Variants in CELF2 observed in about 807,000 individuals in gnomAD.
The protein encoded by CELF2 is CUGBP Elav-like family member 2.
In CELF2, 8 loss-of-function variants were observed where a neutral mutation model predicts 62.6. That is an observed-to-expected ratio of 0.13 (90% CI 0.07 to 0.23). The LOEUF is 0.23. CELF2 is among the 10% of genes least tolerant of loss of function. CELF2 has a pLI of 1.00. For missense variants in CELF2, 333 were observed against 671.0 expected (o/e 0.50, Z 5.56); for synonymous variants, 258 against 250.0 (o/e 1.03, Z -0.30).
intron 2 of CELF2, among the ~76,000 whole-genome samples, chr10:11,208,193 G>T (rs979403171): frequency 5.9e-5 from 9 of 152,114 alleles, no homozygotes; most frequent in African/African-American, 2.2e-4. Flanking sequence ...GGAGGGTGTG[G>T]GGAGTTAGGC....
At chr10:10,537,805 C>T in the CELF2 span, among the ~76,000 whole-genome samples, 1 of 152,162 alleles carries the variant, frequency 6.6e-6, no homozygotes, top group Admixed American at 6.5e-5. Flanking sequence ...TTTCTTACCC[C>T]TTAAGCCTAT....
chr10:10,604,965 T>G, the CELF2 span, among the ~76,000 whole-genome samples: 1 of 152,164 alleles, frequency 6.6e-6, no homozygotes, highest in Non-Finnish European at 1.5e-5. Flanking sequence ...TAAAGATAGA[T>G]GCACATTTAT....
chr10:10,938,291 T>C lies in CELF2; in HGVS notation c.89+18292T>C, dbSNP rs1423263750. 6.6e-6 allele frequency among the ~76,000 whole-genome samples: 1 copy of C among 152,208 alleles called. No individual in the cohort carries two copies. The highest frequency in any genetic ancestry group is 1.5e-5 in the Non-Finnish European group (1 of 68,040). On this transcript the variant is annotated intron_variant, in intron 2 of 13. Transcript: ENST00000636488. This position sits in a 1 kb window ranked among gnomAD's most constrained non-coding sequence, Gnocchi z 4.2. ...TTATTTTGCAGTATAGGAAATGTTA[T>C]TTAGATTTAACAAAGGGCTGAACAG...
At chr10:10,749,409 C>T in the CELF2 span, among the ~76,000 whole-genome samples, 3 of 152,292 alleles carry the variant, frequency 2.0e-5, no homozygotes, top group Admixed American at 2.0e-4. Context: ...TATGTGCTAT[C>T]CATCAAAATT....
the CELF2 span, among the ~76,000 whole-genome samples, chr10:10,488,523 C>T: frequency 2.0e-5 from 3 of 152,126 alleles, no homozygotes; most frequent in African/African-American, 7.2e-5. Context: ...TTATAAGCTA[C>T]AAAAACACTT....
chr10:10,933,381 A>G (rs1006822984), intron 2 of CELF2, among the ~76,000 whole-genome samples: 2 of 152,248 alleles, frequency 1.3e-5, no homozygotes, highest in South Asian at 2.1e-4. Flanking sequence ...ACATTGTGCA[A>G]AAATCAAATC....
intron 2 of CELF2, among the ~76,000 whole-genome samples, chr10:10,998,489 TA>T (rs2054193608): frequency 6.6e-6 from 1 of 152,214 alleles, no homozygotes; most frequent in South Asian, 2.1e-4. Flanking sequence ...TAATGCACTT[TA>T]AAAAGTGATG....
intron 1 of CELF2, among the ~76,000 whole-genome samples, chr10:10,829,493 C>T (rs1244439712): frequency 6.6e-6 from 1 of 152,052 alleles, no homozygotes; most frequent in East Asian, 1.9e-4. Flanking sequence ...GGGATGACTT[C>T]CTGTAAATTT....
chr10:10,664,319 G>T, the CELF2 span, among the ~76,000 whole-genome samples: 9 of 152,102 alleles, frequency 5.9e-5, no homozygotes, highest in African/African-American at 2.2e-4. Context: ...ACAAGTTCAG[G>T]GCTCAAGTTT....
chr10:10,965,956 T>A (rs1000346922), intron 2 of CELF2, among the ~76,000 whole-genome samples: 1 of 152,240 alleles, frequency 6.6e-6, no homozygotes, highest in Admixed American at 6.5e-5. Flanking sequence ...ATAGAATGAC[T>A]GTGACAAGCA....
chr10:11,333,251 CCACAGAGA>C lies in CELF2; in HGVS notation c.*4201_*4208del, dbSNP rs2096062583. Reference sequence around the variant, plus strand: ...TTGCCCTTCTCCAAAAAATAACCTTCCACAGAGACAAACTGTCCTTCTATCCACTTTTA... The same window carrying C: ...TTGCCCTTCTCCAAAAAATAACCTTCCAAACTGTCCTTCTATCCACTTTTA... On this transcript the variant is annotated 3_prime_UTR_variant, in exon 13 of 13. Transcript: ENST00000633077. 1 of 152,436 alleles carries C rather than the reference CCACAGAGA, an allele frequency of 6.6e-6. No homozygotes were observed. 9.4% of individuals were successfully genotyped at this position (152,436 alleles called of 1,614,324 possible).
At chr10:10,857,022 A>G (rs2059755940) in intron 1 of CELF2, among the ~76,000 whole-genome samples, 1 of 152,116 alleles carries the variant, frequency 6.6e-6, no homozygotes. Flanking sequence ...CTCCATAATC[A>G]TCCCAGCTTT....
intron 1 of CELF2, among the ~76,000 whole-genome samples, chr10:11,129,393 A>G (rs571613886): frequency 2.0e-5 from 3 of 152,336 alleles, no homozygotes; most frequent in East Asian, 3.9e-4. Flanking sequence ...CTGGCCTCAT[A>G]AAATGAGTTA....
At chr10:10,901,907 A>G (rs1294579283) in intron 1 of CELF2, among the ~76,000 whole-genome samples, 1 of 152,156 alleles carries the variant, frequency 6.6e-6, no homozygotes, top group African/African-American at 2.4e-5. Flanking sequence ...CATTTTTTGT[A>G]ATTGGGCAAA....
At chr10:10,663,365 T>A in the CELF2 span, among the ~76,000 whole-genome samples, 8 of 152,248 alleles carry the variant, frequency 5.3e-5, no homozygotes, top group African/African-American at 1.9e-4. Context: ...CCCCAAAGAA[T>A]AAAAGCACAA....
chr10:10,855,654 C>T (rs2059662416), intron 1 of CELF2, among the ~76,000 whole-genome samples: 2 of 152,198 alleles, frequency 1.3e-5, no homozygotes, highest in Admixed American at 1.3e-4. Flanking sequence ...AGAGGAGGAT[C>T]AGGGTGGTTA....
upstream of CELF2, chr10:10,798,605 T>TG: frequency 5.0e-6 from 2 of 396,538 alleles, no homozygotes; most frequent in Non-Finnish European, 8.9e-6. Flanking sequence ...AGGATTGATT[T>TG]GCGGGGTGGA....
chr10:10,824,429 C>G (rs556340219), intron 1 of CELF2, among the ~76,000 whole-genome samples: 1 of 152,146 alleles, frequency 6.6e-6, no homozygotes, highest in Non-Finnish European at 1.5e-5. Context: ...ATATCTGGAA[C>G]CTGACATCTT....
At position 10,931,332 on chromosome 10, in the gene CELF2, C is replaced by T. The variant is rs548512578; in HGVS notation, c.89+11333C>T. ...AAATTCCCCATTAGGCCTGACTATT[C>T]ATCCTTAAACCTCTGCTTGTCATGC... On this transcript the variant is annotated intron_variant, in intron 2 of 13. Coordinates refer to the CELF2 transcript ENST00000636488. This position sits in a 1 kb window ranked among gnomAD's most constrained non-coding sequence, Gnocchi z 6.1. Among the ~76,000 whole-genome samples, 1 of 152,260 alleles carries T rather than the reference C, an allele frequency of 6.6e-6. No individual in the cohort carries two copies. The highest frequency in any genetic ancestry group is 1.9e-4 in the East Asian group (1 of 5,184).
Sources: gnomAD v4.1 joint callset for allele counts (sites outside exome capture counted in the v4.1 genomes callset) on GRCh38, gnomAD v4.1.1 for gene constraint, Gnocchi (gnomAD v3.1) non-coding constraint, MANE v1.5 for transcripts, NCBI Gene and HGNC (gene_info 2026-07-23, HGNC 2026-07-21) for gene names.